The following KCNA2 variants were observed in gnomAD, a reference collection of about 807,000 sequenced individuals.
KCNA2 encodes the protein potassium voltage-gated channel subfamily A member 2, also known as potassium channel, voltage gated shaker related subfamily A, member 2.
Under a neutral mutation model 33.4 loss-of-function variants are expected in KCNA2, and 11 were observed. The observed-to-expected ratio is 0.33, with a 90% CI of 0.21 to 0.55. The LOEUF (loss-of-function observed/expected upper bound fraction) is 0.55. Ranked by LOEUF, KCNA2 falls within the 20% of genes least tolerant of loss-of-function variation. The probability of loss-of-function intolerance (pLI) is 0.93; values close to 1 mark genes in which losing one functional copy is unlikely to be tolerated. For missense variants in KCNA2, 291 were observed against 621.6 expected, an observed-to-expected ratio of 0.47 and a Z score of 5.66; for synonymous variants, 222 against 231.3, an observed-to-expected ratio of 0.96 and a Z score of 0.37.
At chr1:110,610,245 T>A (rs550077470), upstream of KCNA2, among the ~76,000 whole-genome samples, 10 of 152,356 alleles carry the variant, frequency 6.6e-5, no homozygotes, top group African/African-American at 2.4e-4. Flanking sequence ...GAAGAGTTTA[T>A]GACTGTGTAT....
intron 1 of KCNA2, 31 bp downstream of exon 1, chr1:110,606,197 T>C (rs1381360053): frequency 6.6e-6 from 1 of 152,410 alleles, no homozygotes; most frequent in African/African-American, 2.4e-5. Context: ...CACAACAAAG[T>C]CTGCACTGTA....
At position 110,599,369 on chromosome 1, in the gene KCNA2, C is replaced by G. The variant is rs1236346855; in HGVS notation, c.*3914G>C. The stretch of plus-strand genomic sequence containing the variant: ...AGGCCCTCTAAAAAGTGTTAGCTTG[C>G]TTAGCCTTAGATGTATGTTCTTAAT... On this transcript the variant is annotated 3_prime_UTR_variant, in exon 3 of 3. Transcript: ENST00000316361. 4 of 985,268 alleles carry G rather than the reference C, an allele frequency of 4.1e-6. No homozygotes were observed. The highest frequency in any genetic ancestry group is 3.5e-5 in the African/African-American group (2 of 57,236). 61.0% of individuals were successfully genotyped at this position (985,268 alleles called of 1,614,324 possible). A position where few individuals can be genotyped will look rare whatever the true frequency, so the allele number is the denominator to read the frequency against.
chr1:110,607,209 G>A (rs1241340966), upstream of KCNA2: 2 of 152,230 alleles, frequency 1.3e-5, no homozygotes, highest in African/African-American at 2.4e-5. Context: ...AGCCGGGCAG[G>A]GAAGGCAGCA....
rs1553183509 is a variant in KCNA2, at chr1:110,627,840, A to AT, written c.-496+3554_-496+3555insA. On this transcript the variant is annotated intron_variant, in intron 1 of 4. Coordinates refer to the KCNA2 transcript ENST00000369770. ...TGAGACCCTGTCTCAAAAAAAAAAAAAATAATAATAATGCCAGGCTTGATG... is the reference window on the plus strand; with the variant it reads ...TGAGACCCTGTCTCAAAAAAAAAAAATAATAATAATAATGCCAGGCTTGATG... Among the ~76,000 whole-genome samples the AT allele has an allele frequency of 3.4e-4, 51 of 152,164 alleles. 1 individual carries two copies. Among genetic ancestry groups the AT allele is most frequent in the Non-Finnish European group, 4.9e-4 (33 of 67,996 alleles).
chr1:110,612,600 C>A (rs1303810810), intron 1 of KCNA2, among the ~76,000 whole-genome samples: 2 of 152,214 alleles, frequency 1.3e-5, no homozygotes, highest in African/African-American at 4.8e-5. Flanking sequence ...GTCACTGCAA[C>A]CCCTGTTGGT....
At position 110,600,906 on chromosome 1, in the gene KCNA2, G is replaced by T; in HGVS notation, c.*2377C>A. On this transcript the variant is annotated 3_prime_UTR_variant, in exon 3 of 3. Coordinates refer to ENST00000316361, the MANE Select transcript of KCNA2 (RefSeq NM_004974.4). ...GCCCCATGCCCCAAGACAACTGTAG[G>T]TGCTAACTAGGCAGCAGTGAGGCCT... The T allele has an allele frequency of 1.0e-6, 1 of 985,484 alleles. No individual in the cohort carries two copies. Among genetic ancestry groups the T allele is most frequent in the Non-Finnish European group, 1.2e-6 (1 of 829,988 alleles). The allele number at this position is 985,484 out of a possible 1,614,324, so 61.0% of individuals were successfully genotyped here. A position where few individuals can be genotyped will look rare whatever the true frequency, so the allele number is the denominator to read the frequency against.
At chr1:110,619,363 T>G (rs553748962) in intron 1 of KCNA2, among the ~76,000 whole-genome samples, 1 of 152,244 alleles carries the variant, frequency 6.6e-6, no homozygotes, top group South Asian at 2.1e-4. Flanking sequence ...GCCTGGCACA[T>G]AGGAAGTTCT....
At chr1:110,619,786 T>C (rs1650188694) in intron 1 of KCNA2, among the ~76,000 whole-genome samples, 1 of 152,228 alleles carries the variant, frequency 6.6e-6, no homozygotes, top group African/African-American at 2.4e-5. Flanking sequence ...TTCAGTCACC[T>C]GAGGTCACCT....
Position 110,603,085 on chromosome 1 carries a change from T to A in KCNA2, c.*198A>T. The A allele has an allele frequency of 7.1e-7, 1 of 1,412,258 alleles. No individual in the cohort carries two copies. The highest frequency in any genetic ancestry group is 2.6e-5 in the East Asian group (1 of 38,612). 87.5% of individuals were successfully genotyped at this position (1,412,258 alleles called of 1,614,324 possible). On this transcript the variant is annotated 3_prime_UTR_variant, in exon 3 of 3. Transcript: ENST00000316361. This position sits in a 1 kb window ranked among gnomAD's most constrained non-coding sequence, Gnocchi z 5.7. ...CCGTCTTTGGAAGTTCATAAGCCGG[T>A]GATGAGGATGTGCATGAAAGCCATG...
At chr1:110,630,461 T>C (rs1234934917) in intron 1 of KCNA2, among the ~76,000 whole-genome samples, 1 of 152,214 alleles carries the variant, frequency 6.6e-6, no homozygotes, top group Non-Finnish European at 1.5e-5. Context: ...CACCTCCGTG[T>C]CCCCAGTGCC....
intron 1 of KCNA2, among the ~76,000 whole-genome samples, chr1:110,623,043 G>A (rs972618739): frequency 6.6e-6 from 1 of 152,140 alleles, no homozygotes; most frequent in Non-Finnish European, 1.5e-5. Context: ...AGATTAGAGG[G>A]CTAATACTAT....
rs1648964496 is a variant in KCNA2 at position 110,593,743 on chromosome 1, T to C, written c.*9540A>G. 1.2e-6 allele frequency: 1 copy of C among 853,216 alleles called. No homozygotes were observed. Among genetic ancestry groups the C allele is most frequent in the Non-Finnish European group, 1.7e-6 (1 of 581,054 alleles). 52.9% of individuals were successfully genotyped at this position (853,216 alleles called of 1,614,324 possible). A position where few individuals can be genotyped will look rare whatever the true frequency, so the allele number is the denominator to read the frequency against. ...CCATGATCAGGTGGACAGGCAATGT[T>C]CATTGAGGCACATATGTACACATAT... On this transcript the variant is annotated 3_prime_UTR_variant, in exon 3 of 3. Coordinates refer to ENST00000316361, the MANE Select transcript of KCNA2 (RefSeq NM_004974.4).
At position 110,627,763 on chromosome 1, in the gene KCNA2, G is replaced by A. The variant is rs77950044; in HGVS notation, c.-496+3632C>T. 2.5e-3 allele frequency among the ~76,000 whole-genome samples: 377 copies of A among 151,872 alleles called. 2 individuals are homozygous for A. The highest frequency in any genetic ancestry group is 2.7e-3 in the Non-Finnish European group (181 of 67,962). ...ATACAACCCTTGAGCCCAGAAGTTC[G>A]AGATTGCAGTGAGCCACGATCCCAC... On this transcript the variant is annotated intron_variant, in intron 1 of 4. Transcript: ENST00000369770.
rs1051927287 is a variant in KCNA2 at position 110,598,671 on chromosome 1, C to G, written c.*4612G>C. ...GGCTAACGCAATCTAGAGGCACACT[C>G]CCGTGGGGCCCCTTTTAAAAGGCTA... On this transcript the variant is annotated 3_prime_UTR_variant, in exon 3 of 3. Coordinates refer to ENST00000316361, the MANE Select transcript of KCNA2 (RefSeq NM_004974.4). The G allele has an allele frequency of 9.1e-6, 9 of 985,318 alleles. No individual in the cohort carries two copies. The highest frequency in any genetic ancestry group is 9.6e-6 in the Non-Finnish European group (8 of 829,920). The allele number at this position is 985,318 out of a possible 1,614,324, so 61.0% of individuals were successfully genotyped here. A position where few individuals can be genotyped will look rare whatever the true frequency, so the allele number is the denominator to read the frequency against.
At chr1:110,616,116 G>T (rs1311281390) in intron 1 of KCNA2, among the ~76,000 whole-genome samples, 1 of 152,218 alleles carries the variant, frequency 6.6e-6, no homozygotes, top group Non-Finnish European at 1.5e-5. Context: ...TAAGGGTTCT[G>T]CATGCCTCAA....
At chr1:110,627,121 G>T (rs1237003831) in intron 1 of KCNA2, among the ~76,000 whole-genome samples, 1 of 152,204 alleles carries the variant, frequency 6.6e-6, no homozygotes, top group African/African-American at 2.4e-5. Flanking sequence ...CAGACATGGT[G>T]CAGCACCACG....
chr1:110,603,436 A>C lies in KCNA2; in HGVS notation c.1347T>G (p.Ser449Arg). 1 of 1,614,110 alleles carries C rather than the reference A, an allele frequency of 6.2e-7. No individual in the cohort carries two copies. Among genetic ancestry groups the C allele is most frequent in the Non-Finnish European group, 8.5e-7 (1 of 1,180,036 alleles). ...AATCAGACTTACTAATGGTAGAGGCACTTCTACTTTTCTTTAGGTCAGGGG... is the reference window on the plus strand; with the variant it reads ...AATCAGACTTACTAATGGTAGAGGCCCTTCTACTTTTCTTTAGGTCAGGGG... The part of the protein sequence containing the change: ...PSSPDLKKSR[S>R]ASTISKSDYM... Residue 449 changes from serine to arginine, a missense_variant, in exon 3 of 3, where the codon AGT becomes AGG. Ser to Arg is a moderately radical substitution (Grantham distance 110). This residue lies in a region of KCNA2 where 65 missense variants were observed against 95.1 expected (regional missense o/e 0.68). Transcript: ENST00000316361. The surrounding 1 kb of genome is among the most constrained non-coding windows in gnomAD (Gnocchi z 5.7).
chr1:110,629,688 C>T (rs755998759), intron 1 of KCNA2, among the ~76,000 whole-genome samples: 5 of 152,124 alleles, frequency 3.3e-5, no homozygotes, highest in African/African-American at 4.8e-5. Flanking sequence ...GTCTGACCCT[C>T]GGTGGATGAC....
rs1044774104 is a variant in KCNA2 at position 110,596,413 on chromosome 1, C to T, written c.*6870G>A. On this transcript the variant is annotated 3_prime_UTR_variant, in exon 3 of 3. Coordinates refer to ENST00000316361, the MANE Select transcript of KCNA2 (RefSeq NM_004974.4). Reference sequence around the variant, plus strand: ...AAACTCAGGACCAATTAACCAAAACCTCGATTGACAAGAATTATGTTTTCT... The same window carrying T: ...AAACTCAGGACCAATTAACCAAAACTTCGATTGACAAGAATTATGTTTTCT... The T allele has an allele frequency of 4.6e-6, 1 of 216,988 alleles. No individual in the cohort carries two copies. The highest frequency in any genetic ancestry group is 7.8e-6 in the Non-Finnish European group (1 of 127,742). 13.4% of individuals were successfully genotyped at this position (216,988 alleles called of 1,614,324 possible). A position where few individuals can be genotyped will look rare whatever the true frequency, so the allele number is the denominator to read the frequency against.
Sources: gnomAD v4.1 joint callset for allele counts (sites outside exome capture counted in the v4.1 genomes callset) on GRCh38, gnomAD v4.1.1 for gene constraint, gnomAD v4.1.1 regional missense constraint, Gnocchi (gnomAD v3.1) non-coding constraint, MANE v1.5 for transcripts, NCBI Gene and HGNC (gene_info 2026-07-23, HGNC 2026-07-21) for gene names.